Variants in COL6A5 observed in about 807,000 individuals in gnomAD.
COL6A5 encodes collagen type VI alpha 5 chain.
Under a neutral mutation model 65.6 loss-of-function variants are expected in COL6A5, and 48 were observed. That is an observed-to-expected ratio of 0.73 (90% CI 0.58 to 0.93). The LOEUF (loss-of-function observed/expected upper bound fraction) is 0.93. Among genes scored for constraint, COL6A5 ranks in the 40% least tolerant of loss-of-function variants. COL6A5 has a pLI of 0.00. For synonymous variants in COL6A5, 291 were observed against 322.8 expected (o/e 0.90, Z 1.05); for missense variants, 914 against 928.3 (o/e 0.98, Z 0.20).
chr3:130,468,731 T>C lies in COL6A5; in HGVS notation c.1545-64T>C, dbSNP rs116475960. The C allele has an allele frequency of 1.0e-3, 1,147 of 1,149,332 alleles. 8 individuals carry two copies. The African/African-American group carries it at 0.014, about 14-fold the overall frequency. 71.2% of individuals were successfully genotyped at this position (1,149,332 alleles called of 1,614,324 possible). ...AACCTCATGCTGTGTATTTGCCATC[T>C]ATGACTAGGAGCTCCAAGCTTATCT... On this transcript the variant is annotated intron_variant, in intron 5 of 7. Transcript: ENST00000512836.
At chr3:130,365,760 A>G (rs1444137865) in intron 1 of COL6A5, among the ~76,000 whole-genome samples, 2 of 152,190 alleles carry the variant, frequency 1.3e-5, no homozygotes, top group African/African-American at 4.8e-5. Flanking sequence ...GTGGTCGTCA[A>G]CCTTGGCTGC....
At chr3:130,357,944 C>CT (rs1577422869) in intron 1 of COL6A5, among the ~76,000 whole-genome samples, 1 of 152,268 alleles carries the variant, frequency 6.6e-6, no homozygotes, top group East Asian at 1.9e-4. Flanking sequence ...AATCCCAGCA[C>CT]TTTCGGAGCC....
chr3:130,379,671 C>A, exon 4 of COL6A5: 1 of 1,551,416 alleles, frequency 6.4e-7, no homozygotes, highest in Non-Finnish European at 8.7e-7. Flanking sequence ...ATCTTTCTAT[C>A]CAAGTTGGGA....
At chr3:130,418,321 C>T (rs147321279) in intron 24 of COL6A5, among the ~76,000 whole-genome samples, 2 of 152,088 alleles carry the variant, frequency 1.3e-5, no homozygotes, top group Non-Finnish European at 2.9e-5. Context: ...TCACTCTCAC[C>T]CCTTTCTTGC....
chr3:130,398,050 C>G, exon 10 of COL6A5: 1 of 1,550,646 alleles, frequency 6.4e-7, no homozygotes, highest in Non-Finnish European at 8.7e-7. Flanking sequence ...TTTTTTCAGA[C>G]GGTCTCCAGA....
intron 10 of COL6A5, among the ~76,000 whole-genome samples, chr3:130,398,346 G>A (rs917059898): frequency 2.0e-5 from 3 of 152,108 alleles, no homozygotes; most frequent in African/African-American, 7.2e-5. Flanking sequence ...TAGCTAGGGT[G>A]GTCTTGATCT....
chr3:130,416,619 C>T, intron 23 of COL6A5, 138 bp from the exon 24 acceptor site: 1 of 650,464 alleles, frequency 1.5e-6, no homozygotes, highest in Non-Finnish European at 2.7e-6. Flanking sequence ...TGCTTCTCTC[C>T]TCCTGGGTGG....
At chr3:130,419,469 G>A (rs1393495988) in intron 25 of COL6A5, among the ~76,000 whole-genome samples, 1 of 152,016 alleles carries the variant, frequency 6.6e-6, no homozygotes, top group Admixed American at 6.6e-5. Context: ...AATTTACCAA[G>A]CACAAACATT....
chr3:130,362,082 A>AT (rs566478639), intron 1 of COL6A5, among the ~76,000 whole-genome samples: 1 of 150,930 alleles, frequency 6.6e-6, no homozygotes, highest in Non-Finnish European at 1.5e-5. Context: ...TTCATTAATT[A>AT]TTTTTTTTCA....
chr3:130,440,119 G>A (rs1709138155), intron 2 of COL6A5, 47 bp from the exon 35 acceptor site: 1 of 1,477,098 alleles, frequency 6.8e-7, no homozygotes, highest in Admixed American at 2.1e-5. Context: ...CAAGTGTCTT[G>A]TTGGGTCAGT....
chr3:130,430,055 G>A (rs1467542807), upstream of COL6A5, among the ~76,000 whole-genome samples: 3 of 152,118 alleles, frequency 2.0e-5, no homozygotes, highest in African/African-American at 4.8e-5. Flanking sequence ...ACCTGTAGTC[G>A]GGGCTGCATG....
intron 7 of COL6A5, among the ~76,000 whole-genome samples, chr3:130,478,380 C>T (rs1004899334): frequency 6.6e-6 from 1 of 152,006 alleles, no homozygotes; most frequent in Non-Finnish European, 1.5e-5. Context: ...TGCTCTGGTC[C>T]TAAACTTTCT....
chr3:130,346,932 C>T (rs146966855), intron 1 of COL6A5, among the ~76,000 whole-genome samples: 7 of 152,084 alleles, frequency 4.6e-5, no homozygotes, highest in African/African-American at 1.4e-4. Flanking sequence ...CTACAATTTA[C>T]CAATAGAATA....
chr3:130,432,776 G>A (rs1397958769), intron 1 of COL6A5, among the ~76,000 whole-genome samples: 1 of 152,014 alleles, frequency 6.6e-6, no homozygotes. Flanking sequence ...GAAGTTCAGG[G>A]GATCTTTGAA....
exon 5 of COL6A5, chr3:130,385,042 G>A (rs1316829209): frequency 6.4e-7 from 1 of 1,550,820 alleles, no homozygotes; most frequent in Admixed American, 2.0e-5. Flanking sequence ...TTAACATTAA[G>A]CAACTAACTG....
chr3:130,465,621 A>G (rs539872888), intron 5 of COL6A5, among the ~76,000 whole-genome samples: 64 of 152,096 alleles, frequency 4.2e-4, no homozygotes, highest in Non-Finnish European at 8.8e-4. Flanking sequence ...ACTGCCTTCC[A>G]GAACTAAGCA....
At chr3:130,352,951 G>T (rs1238107008) in intron 1 of COL6A5, among the ~76,000 whole-genome samples, 5 of 152,084 alleles carry the variant, frequency 3.3e-5, no homozygotes, top group Non-Finnish European at 7.4e-5. Flanking sequence ...AAGAGTACTT[G>T]CCTCATATAG....
intron 1 of COL6A5, among the ~76,000 whole-genome samples, chr3:130,373,178 A>T (rs971210393): frequency 6.6e-6 from 1 of 152,238 alleles, no homozygotes; most frequent in Non-Finnish European, 1.5e-5. Flanking sequence ...TAGTGACTAC[A>T]TAAATTTTGC....
chr3:130,440,440 T>C (rs768772575), exon 3 of COL6A5: 2 of 1,613,676 alleles, frequency 1.2e-6, no homozygotes, highest in African/African-American at 2.7e-5. Flanking sequence ...ATTTCATCAC[T>C]TATGACAACC....
Sources: allele counts gnomAD v4.1 joint callset (sites outside exome capture counted in the v4.1 genomes callset), GRCh38; gene constraint gnomAD v4.1.1; transcripts MANE v1.5; gene names NCBI Gene and HGNC (gene_info 2026-07-23, HGNC 2026-07-21).